Variants in PELI2 observed in about 807,000 individuals in gnomAD.
PELI2 encodes the protein E3 ubiquitin-protein ligase pellino homolog 2.
PELI2 carries 23 observed loss-of-function variants against 42.3 expected under a neutral mutation model. That is an observed-to-expected ratio of 0.54 (90% CI 0.39 to 0.77). The LOEUF is 0.77. PELI2 is among the 30% of genes least tolerant of loss of function. The probability of loss-of-function intolerance (pLI) is 0.00; values close to 1 mark genes in which losing one functional copy is unlikely to be tolerated. For synonymous variants in PELI2, 245 were observed against 212.2 expected (o/e 1.15, Z -1.34); for missense variants, 463 against 553.2 (o/e 0.84, Z 1.64).
chr14:56,166,944 C>T (rs542923195), intron 1 of PELI2, among the ~76,000 whole-genome samples: 20 of 152,280 alleles, frequency 1.3e-4, no homozygotes, highest in East Asian at 3.9e-4. Context: ...CCTGCCACCA[C>T]GCCTGACTAT....
intron 5 of PELI2, among the ~76,000 whole-genome samples, chr14:56,294,873 T>C (rs377201875): frequency 6.6e-6 from 1 of 152,212 alleles, no homozygotes; most frequent in African/African-American, 2.4e-5. Context: ...AAGACATGTA[T>C]TGGCATTATT....
intron 1 of PELI2, among the ~76,000 whole-genome samples, chr14:56,153,186 A>G (rs1306271344): frequency 6.6e-6 from 1 of 152,008 alleles, no homozygotes; most frequent in Non-Finnish European, 1.5e-5. Flanking sequence ...ATCCTGTTTA[A>G]TTTTTTTTAG....
chr14:56,217,944 A>G (rs541244018), intron 2 of PELI2, among the ~76,000 whole-genome samples: 1 of 152,310 alleles, frequency 6.6e-6, no homozygotes, highest in South Asian at 2.1e-4. Context: ...TTCACCAGGG[A>G]AGCACTCTGC....
intron 1 of PELI2, among the ~76,000 whole-genome samples, chr14:56,174,592 G>A (rs1372256255): frequency 6.6e-6 from 1 of 152,176 alleles, no homozygotes; most frequent in Non-Finnish European, 1.5e-5. Context: ...TCGTGATAGT[G>A]AATGAGTTCT....
intron 2 of PELI2, among the ~76,000 whole-genome samples, chr14:56,255,689 G>A (rs1474534405): frequency 6.6e-6 from 1 of 152,194 alleles, no homozygotes; most frequent in East Asian, 1.9e-4. Flanking sequence ...TGTATAGGCA[G>A]GATGGAGGAG....
chr14:56,269,190 C>T (rs888984974), intron 2 of PELI2, among the ~76,000 whole-genome samples: 3 of 152,096 alleles, frequency 2.0e-5, no homozygotes, highest in South Asian at 2.1e-4. Context: ...CCTATAGTCC[C>T]GGCACTTTAG....
At chr14:56,181,515 A>C (rs1837408733) in intron 2 of PELI2, among the ~76,000 whole-genome samples, 1 of 151,926 alleles carries the variant, frequency 6.6e-6, no homozygotes, top group Non-Finnish European at 1.5e-5. Flanking sequence ...TGTAGTTGGG[A>C]AAGTGGGACC....
chr14:56,190,101 A>G (rs1466158872), intron 2 of PELI2, among the ~76,000 whole-genome samples: 1 of 152,212 alleles, frequency 6.6e-6, no homozygotes, highest in Non-Finnish European at 1.5e-5. Context: ...TTGAGGTTTC[A>G]TATGAATAGT....
chr14:56,218,011 G>A (rs8014516), intron 2 of PELI2, among the ~76,000 whole-genome samples: 60,890 of 152,028 alleles, frequency 0.4, 13,039 homozygotes, highest in South Asian at 0.53. Flanking sequence ...ATTAAGTTGG[G>A]TATTCTAACT....
chr14:56,209,546 G>T (rs907723733), intron 2 of PELI2, among the ~76,000 whole-genome samples: 19 of 55,552 alleles, frequency 3.4e-4, no homozygotes, highest in African/African-American at 8.1e-4. Context: ...AAAATATTTC[G>T]TTTCGTGGTA....
At chr14:56,178,211 G>A in intron 1 of PELI2, 124 bp from the exon 2 acceptor site, 1 of 880,786 alleles carries the variant, frequency 1.1e-6, no homozygotes, top group Non-Finnish European at 1.8e-6. Context: ...TCCTTTTGTG[G>A]AGTGTTTAGT....
At chr14:56,295,936 C>T (rs1021705036) in intron 5 of PELI2, among the ~76,000 whole-genome samples, 1 of 152,262 alleles carries the variant, frequency 6.6e-6, no homozygotes, top group African/African-American at 2.4e-5. Flanking sequence ...ATGCATCTGG[C>T]ATGTGGAGGC....
intron 2 of PELI2, among the ~76,000 whole-genome samples, chr14:56,182,994 C>T (rs1175451032): frequency 1.3e-5 from 2 of 152,076 alleles, no homozygotes; most frequent in East Asian, 1.9e-4. Flanking sequence ...ACCTTATCAT[C>T]AGCCTCAGAC....
chr14:56,270,623 A>T (rs961314647), intron 2 of PELI2, among the ~76,000 whole-genome samples: 5 of 152,216 alleles, frequency 3.3e-5, no homozygotes, highest in Admixed American at 3.3e-4. Flanking sequence ...AGTGGGGTCC[A>T]AAAAAATGTT....
intron 2 of PELI2, among the ~76,000 whole-genome samples, chr14:56,228,010 C>G (rs1246646538): frequency 6.6e-6 from 1 of 152,220 alleles, no homozygotes; most frequent in Non-Finnish European, 1.5e-5. Flanking sequence ...CCAAGGGTTA[C>G]CCCTTCATTG....
chr14:56,291,618 T>C (rs1322155521), intron 5 of PELI2, among the ~76,000 whole-genome samples: 2 of 152,256 alleles, frequency 1.3e-5, no homozygotes, highest in African/African-American at 4.8e-5. Context: ...CTTTTGTTTC[T>C]GATCACTGGA....
intron 2 of PELI2, among the ~76,000 whole-genome samples, chr14:56,264,453 T>G (rs535434543): frequency 6.8e-4 from 104 of 152,236 alleles, no homozygotes; most frequent in Non-Finnish European, 1.3e-3. Flanking sequence ...TCCCAATACA[T>G]AGATGAGGCC....
intron 1 of PELI2, chr14:56,119,960 G>A (rs1306705753): frequency 2.5e-6 from 1 of 392,318 alleles, no homozygotes; most frequent in East Asian, 1.6e-4. Flanking sequence ...AGTAAGTGCT[G>A]ACTTAAAAAT....
At chr14:56,255,878 G>A (rs1255800290) in intron 2 of PELI2, among the ~76,000 whole-genome samples, 1 of 152,136 alleles carries the variant, frequency 6.6e-6, no homozygotes, top group African/African-American at 2.4e-5. Flanking sequence ...GGAAGATGGA[G>A]CCACCACCTT....
Sources: allele counts gnomAD v4.1 joint callset (sites outside exome capture counted in the v4.1 genomes callset), GRCh38; gene constraint gnomAD v4.1.1; transcripts MANE v1.5; gene names NCBI Gene and HGNC (gene_info 2026-07-23, HGNC 2026-07-21).